The following DCC variants were observed in gnomAD, a reference collection of about 807,000 sequenced individuals.
DCC encodes netrin receptor DCC.
DCC carries 58 observed loss-of-function variants against 172.5 expected under a neutral mutation model. The observed-to-expected ratio is 0.34, with a 90% CI of 0.27 to 0.42. The LOEUF (loss-of-function observed/expected upper bound fraction) is 0.42. Among genes scored for constraint, DCC ranks in the 10% least tolerant of loss-of-function variants. DCC has a pLI of 1.00. For missense variants in DCC, 1,740 were observed against 1,791.0 expected (o/e 0.97, Z 0.51); for synonymous variants, 709 against 644.5 (o/e 1.10, Z -1.52).
chr18:52,612,740 G>A (rs1298253986), intron 1 of DCC, among the ~76,000 whole-genome samples: 1 of 152,080 alleles, frequency 6.6e-6, no homozygotes, highest in East Asian at 1.9e-4. Context: ...ATTTGATTGT[G>A]GAAATTGTTT....
chr18:52,914,877 A>G (rs1428852429), intron 3 of DCC, among the ~76,000 whole-genome samples: 1 of 152,102 alleles, frequency 6.6e-6, no homozygotes, highest in Admixed American at 6.6e-5. Context: ...TATGCCTGGG[A>G]AGAAATCAAA....
At chr18:53,355,839 C>T (rs921217387) in intron 15 of DCC, among the ~76,000 whole-genome samples, 1 of 152,012 alleles carries the variant, frequency 6.6e-6, no homozygotes, top group Non-Finnish European at 1.5e-5. Flanking sequence ...TTTCTCACTG[C>T]TTTGAAGAAT....
intron 2 of DCC, among the ~76,000 whole-genome samples, 170 bp downstream of exon 2, chr18:52,752,544 T>A (rs755909811): frequency 1.3e-4 from 20 of 152,238 alleles, no homozygotes; most frequent in Non-Finnish European, 2.5e-4. Flanking sequence ...CATGTTTTGA[T>A]GTATGTATAC....
At chr18:52,773,429 C>T (rs577302982) in intron 2 of DCC, among the ~76,000 whole-genome samples, 1 of 152,178 alleles carries the variant, frequency 6.6e-6, no homozygotes, top group Non-Finnish European at 1.5e-5. Context: ...TTAGTTTCCC[C>T]AACAATACTG....
chr18:52,710,255 A>G (rs2036273555), intron 1 of DCC, among the ~76,000 whole-genome samples: 1 of 152,250 alleles, frequency 6.6e-6, no homozygotes, highest in South Asian at 2.1e-4. Flanking sequence ...TCATGCAGCT[A>G]TTAAATTATC....
At chr18:53,265,398 A>T (rs1392515389) in intron 12 of DCC, among the ~76,000 whole-genome samples, 1 of 152,198 alleles carries the variant, frequency 6.6e-6, no homozygotes, top group African/African-American at 2.4e-5. Flanking sequence ...TATGCATTGG[A>T]GAAACACTCC....
At chr18:52,872,297 C>T (rs761023156) in intron 2 of DCC, among the ~76,000 whole-genome samples, 2 of 152,144 alleles carry the variant, frequency 1.3e-5, no homozygotes, top group Non-Finnish European at 2.9e-5. Context: ...TAGATGAAAT[C>T]TCACAGGTAG....
At chr18:52,421,428 C>A (rs888166076) in intron 1 of DCC, among the ~76,000 whole-genome samples, 2 of 152,086 alleles carry the variant, frequency 1.3e-5, no homozygotes, top group African/African-American at 4.8e-5. Flanking sequence ...CTTTAGAAGT[C>A]CCTTATTCAA....
At chr18:52,402,365 G>A (rs1477656806) in intron 1 of DCC, among the ~76,000 whole-genome samples, 1 of 151,864 alleles carries the variant, frequency 6.6e-6, no homozygotes, top group African/African-American at 2.4e-5. Context: ...GTAGACATGG[G>A]CCTCTATCGC....
chr18:53,517,630 CT>C (rs1422527584), intron 27 of DCC, among the ~76,000 whole-genome samples: 2 of 151,976 alleles, frequency 1.3e-5, no homozygotes, highest in African/African-American at 4.8e-5. Context: ...CAGAGTAGCC[CT>C]TTCTTACAAT....
At chr18:52,958,989 T>A (rs2040794862) in intron 5 of DCC, among the ~76,000 whole-genome samples, 1 of 152,130 alleles carries the variant, frequency 6.6e-6, no homozygotes, top group African/African-American at 2.4e-5. Flanking sequence ...TAATTTTGTT[T>A]TTTAGCTCAT....
At chr18:52,428,577 C>A (rs536323131) in intron 1 of DCC, among the ~76,000 whole-genome samples, 44 of 152,176 alleles carry the variant, frequency 2.9e-4, no homozygotes, top group African/African-American at 1.0e-3. Flanking sequence ...ATAATTTAAT[C>A]AAATGTGGTT....
intron 28 of DCC, among the ~76,000 whole-genome samples, chr18:53,529,024 TCTCTCTCTCTCTCTCACACA>T (rs1224495267): frequency 4.8e-4 from 40 of 83,070 alleles, no homozygotes; most frequent in African/African-American, 1.2e-3. Context: ...TCTCTCTCTC[TCTCTCTCTCTCTCTCACACA>T]CACACACACA....
chr18:53,445,148 A>G (rs1461843037), intron 22 of DCC, among the ~76,000 whole-genome samples: 1 of 152,162 alleles, frequency 6.6e-6, no homozygotes, highest in East Asian at 1.9e-4. Context: ...AATGGGCTAA[A>G]TTATCTGTGA....
At chr18:52,699,085 G>C (rs1016149927) in intron 1 of DCC, among the ~76,000 whole-genome samples, 1 of 152,178 alleles carries the variant, frequency 6.6e-6, no homozygotes, top group African/African-American at 2.4e-5. Flanking sequence ...TCTTTCCCAA[G>C]GTTTGGCTTT....
At chr18:53,301,006 T>TTTCTTTTCTG (rs2057133577) in intron 12 of DCC, among the ~76,000 whole-genome samples, 1 of 150,892 alleles carries the variant, frequency 6.6e-6, no homozygotes, top group African/African-American at 2.4e-5. Flanking sequence ...TTTCTTTTCT[T>TTTCTTTTCTG]TCTTTTCACT....
chr18:52,554,535 G>A (rs1195506979), intron 1 of DCC, among the ~76,000 whole-genome samples: 2 of 152,058 alleles, frequency 1.3e-5, no homozygotes. Context: ...ATCAGAAAAA[G>A]GCCTGTATTA....
intron 15 of DCC, among the ~76,000 whole-genome samples, chr18:53,378,296 G>T (rs62098049): frequency 2.0e-5 from 3 of 151,852 alleles, no homozygotes; most frequent in African/African-American, 2.4e-5. Flanking sequence ...TTATTAAAAG[G>T]TTCATTAGGG....
chr18:53,389,670 A>G (rs953002338), intron 16 of DCC, among the ~76,000 whole-genome samples: 3 of 152,216 alleles, frequency 2.0e-5, no homozygotes, highest in Non-Finnish European at 4.4e-5. Context: ...CCAAGGATAG[A>G]AATTTCTGGA....
Sources: allele counts gnomAD v4.1 joint callset (sites outside exome capture counted in the v4.1 genomes callset), GRCh38; gene constraint gnomAD v4.1.1; transcripts MANE v1.5; gene names NCBI Gene and HGNC (gene_info 2026-07-23, HGNC 2026-07-21).